The following PAIP1 variants were observed in gnomAD, a reference collection of about 807,000 sequenced individuals.
PAIP1 encodes polyadenylate-binding protein-interacting protein 1.
A neutral mutation model predicts 61.3 loss-of-function variants in PAIP1; 16 were observed. The ratio of observed to expected loss-of-function variants is 0.26; its 90% CI spans 0.18 to 0.40. The LOEUF (loss-of-function observed/expected upper bound fraction) is 0.40. Ranked by LOEUF, PAIP1 falls within the 10% of genes least tolerant of loss-of-function variation. PAIP1 has a pLI of 1.00. For missense variants in PAIP1, 416 were observed against 600.9 expected (o/e 0.69, Z 3.22); for synonymous variants, 187 against 226.2 (o/e 0.83, Z 1.56).
In PAIP1 at chr5:43,557,069, C is replaced by T; in HGVS notation, c.-223G>A. 1.2e-6 allele frequency: 1 copy of T among 831,690 alleles called. No homozygotes were observed. The highest frequency in any genetic ancestry group is 1.6e-6 in the Non-Finnish European group (1 of 622,952). The allele number at this position is 831,690 out of a possible 1,614,324, so 51.5% of individuals were successfully genotyped here. The stretch of plus-strand genomic sequence containing the variant: ...AGCGCCCGCCCCGCTCGGCTACCCT[C>T]GGCTTTCCAGTTCTCCCCCAAAACC... On this transcript the variant is annotated 5_prime_UTR_variant, in exon 1 of 11. Transcript: ENST00000306846.
intron 8 of PAIP1, among the ~76,000 whole-genome samples, chr5:43,534,337 T>C (rs1747059968): frequency 6.6e-6 from 1 of 152,064 alleles, no homozygotes; most frequent in African/African-American, 2.4e-5. Flanking sequence ...GTAGCTGGGA[T>C]TACAGGCAAG....
At chr5:43,542,213 C>CTAAT (rs1459743218) in intron 4 of PAIP1, among the ~76,000 whole-genome samples, 1 of 146,908 alleles carries the variant, frequency 6.8e-6, no homozygotes, top group Admixed American at 6.8e-5. Context: ...GAACAAAAAA[C>CTAAT]TAATTACCCT....
At chr5:43,531,222 A>G (rs939182087) in intron 9 of PAIP1, among the ~76,000 whole-genome samples, 1 of 152,026 alleles carries the variant, frequency 6.6e-6, no homozygotes, top group African/African-American at 2.4e-5. Context: ...AAATTTGTCC[A>G]AGTCAGTGAT....
At chr5:43,542,047 G>A (rs941708554) in intron 4 of PAIP1, among the ~76,000 whole-genome samples, 4 of 151,266 alleles carry the variant, frequency 2.6e-5, no homozygotes, top group African/African-American at 7.3e-5. Flanking sequence ...ATGGTGGTAC[G>A]CACCCATCAT....
In PAIP1 at chr5:43,556,226, G is replaced by T. The variant is rs995546341; in HGVS notation, c.266-227C>A. 12 of 1,294,954 alleles carry T rather than the reference G, an allele frequency of 9.3e-6. No homozygotes were observed. In the Admixed American group the frequency reaches 3.9e-4, roughly 42 times the overall value. The allele number at this position is 1,294,954 out of a possible 1,614,324, so 80.2% of individuals were successfully genotyped here. A position where few individuals can be genotyped will look rare whatever the true frequency, so the allele number is the denominator to read the frequency against. ...ACCTGCCTCTCAAATGAGTGCTTGC[G>T]AGCTTTTTTCCTCTCTGTCGTTTTA... is the stretch of plus-strand genomic sequence containing the variant. On this transcript the variant is annotated intron_variant, in intron 1 of 10. Coordinates refer to ENST00000306846, the MANE Select transcript of PAIP1 (RefSeq NM_006451.5).
chr5:43,554,415 C>T (rs547802942), intron 2 of PAIP1, among the ~76,000 whole-genome samples: 4 of 152,286 alleles, frequency 2.6e-5, no homozygotes, highest in Non-Finnish European at 4.4e-5. Flanking sequence ...CTACCTTACA[C>T]GATAGATGGC....
chr5:43,542,917 C>T (rs1747471762), intron 4 of PAIP1, 87 bp downstream of exon 4: 2 of 708,130 alleles, frequency 2.8e-6, no homozygotes, highest in African/African-American at 3.6e-5. Flanking sequence ...TTCTTTCCTG[C>T]AGCTTTTTAT....
intron 9 of PAIP1, among the ~76,000 whole-genome samples, chr5:43,532,994 G>A (rs1428052205): frequency 2.6e-5 from 4 of 152,188 alleles, no homozygotes; most frequent in Admixed American, 2.0e-4. Flanking sequence ...CTGATGGGAA[G>A]ATTAAGTGGC....
At chr5:43,544,584 G>A (rs937481913) in intron 3 of PAIP1, among the ~76,000 whole-genome samples, 10 of 152,102 alleles carry the variant, frequency 6.6e-5, no homozygotes, top group Admixed American at 1.3e-4. Flanking sequence ...TCCGCACTAC[G>A]TAATTTTTCA....
At chr5:43,535,119 T>G in intron 7 of PAIP1, 149 bp from the exon 8 acceptor site, 1 of 605,428 alleles carries the variant, frequency 1.7e-6, no homozygotes. Context: ...TGACATAAAT[T>G]CATTTAAAAA....
chr5:43,539,170 A>C (rs1747288049), intron 4 of PAIP1, 135 bp from the exon 5 acceptor site: 2 of 610,526 alleles, frequency 3.3e-6, no homozygotes, highest in African/African-American at 1.8e-5. Context: ...TACAATAAAG[A>C]AACTGTTCCT....
At chr5:43,540,751 C>T (rs1747365853) in intron 4 of PAIP1, among the ~76,000 whole-genome samples, 1 of 152,242 alleles carries the variant, frequency 6.6e-6, no homozygotes, top group Admixed American at 6.5e-5. Context: ...TACAGAAGCA[C>T]ATATGGTGGG....
chr5:43,534,816 G>C, intron 8 of PAIP1, 37 bp downstream of exon 8: 1 of 1,092,732 alleles, frequency 9.2e-7, no homozygotes. Flanking sequence ...CGGAATTCAA[G>C]CAATAAGTAA....
chr5:43,533,255 T>G (rs1369089791), intron 9 of PAIP1, among the ~76,000 whole-genome samples: 1 of 152,180 alleles, frequency 6.6e-6, no homozygotes, highest in Non-Finnish European at 1.5e-5. Context: ...AATCTTTCTA[T>G]AAATGGTCCT....
Position 43,526,756 on chromosome 5 carries a change from T to G in PAIP1, c.*620A>C, listed in dbSNP as rs1347619551. On this transcript the variant is annotated 3_prime_UTR_variant, in exon 11 of 11. Coordinates refer to ENST00000306846, the MANE Select transcript of PAIP1 (RefSeq NM_006451.5). Reference sequence around the variant, plus strand: ...AAAAAGAACAATTCTAGAATTGGAATAAATCTTCAGTGAAGTCTTGGTTGT... The same window carrying G: ...AAAAAGAACAATTCTAGAATTGGAAGAAATCTTCAGTGAAGTCTTGGTTGT... 6.6e-6 allele frequency: 1 copy of G among 151,900 alleles called. No homozygotes were observed. Among genetic ancestry groups the G allele is most frequent in the African/African-American group, 2.4e-5 (1 of 41,392 alleles). The allele number at this position is 151,900 out of a possible 1,614,324, so 9.4% of individuals were successfully genotyped here.
rs182192376 is a variant in PAIP1 at position 43,533,801 on chromosome 5, A to G, written c.1198-9T>C. On this transcript the variant is annotated splice_polypyrimidine_tract_variant and intron_variant, in intron 8 of 10. Coordinates refer to ENST00000306846, the MANE Select transcript of PAIP1 (RefSeq NM_006451.5). ...TAAAATGTTGGTTCATTCTAGGATG[A>G]ATCAAAGTGATAAAAATATGTAATC... The G allele has an allele frequency of 1.3e-5, 19 of 1,479,460 alleles. No individual in the cohort carries two copies. The Admixed American group carries it at 3.0e-4, about 23-fold the overall frequency. 91.6% of individuals were successfully genotyped at this position (1,479,460 alleles called of 1,614,324 possible).
chr5:43,535,135 T>A (rs2112385760), intron 7 of PAIP1, among the ~76,000 whole-genome samples, 165 bp from the exon 8 acceptor site: 1 of 152,232 alleles, frequency 6.6e-6, no homozygotes, highest in Non-Finnish European at 1.5e-5. Flanking sequence ...AAAAAAAAAA[T>A]AGCCTTGAAT....
rs1271617631 is a variant in PAIP1 at position 43,547,722 on chromosome 5, A to G, written c.621+6T>C. The G allele has an allele frequency of 6.3e-7, 1 of 1,597,606 alleles. No individual in the cohort carries two copies. Among genetic ancestry groups the G allele is most frequent in the Non-Finnish European group, 8.5e-7 (1 of 1,169,902 alleles). On this transcript the variant is annotated splice_donor_region_variant and intron_variant, in intron 3 of 10. Coordinates refer to ENST00000306846, the MANE Select transcript of PAIP1 (RefSeq NM_006451.5). Reference sequence around the variant, plus strand: ...GAAGGTCACTGCATGCTATAAGCCAACATACCTGTTGATAGATGAGTTCCA... The same window carrying G: ...GAAGGTCACTGCATGCTATAAGCCAGCATACCTGTTGATAGATGAGTTCCA...
At chr5:43,552,597 A>C (rs1747906497) in intron 2 of PAIP1, among the ~76,000 whole-genome samples, 1 of 152,186 alleles carries the variant, frequency 6.6e-6, no homozygotes, top group Non-Finnish European at 1.5e-5. Flanking sequence ...GAGGTAGGGG[A>C]GAAGAGATGC....
Sources: allele counts gnomAD v4.1 joint callset (sites outside exome capture counted in the v4.1 genomes callset), GRCh38; gene constraint gnomAD v4.1.1; transcripts MANE v1.5; gene names NCBI Gene and HGNC (gene_info 2026-07-23, HGNC 2026-07-21).